The following VRK1 variants were observed in gnomAD, a reference collection of about 807,000 sequenced individuals.
The protein encoded by VRK1 is serine/threonine-protein kinase VRK1.
A neutral mutation model predicts 57.1 loss-of-function variants in VRK1; 33 were observed. The ratio of observed to expected loss-of-function variants is 0.58; its 90% CI spans 0.44 to 0.77. The LOEUF (loss-of-function observed/expected upper bound fraction) is 0.77, where lower values mean the gene tolerates loss of function less well. VRK1 is among the 30% of genes least tolerant of loss of function. VRK1 has a pLI of 0.00. For missense variants in VRK1, 413 were observed against 477.3 expected, an observed-to-expected ratio of 0.87 and a Z score of 1.25; for synonymous variants, 137 against 147.8, an observed-to-expected ratio of 0.93 and a Z score of 0.53.
At chr14:96,856,825 A>C in intron 10 of VRK1, among the ~76,000 whole-genome samples, 1 of 152,106 alleles carries the variant, frequency 6.6e-6, no homozygotes, top group Admixed American at 6.5e-5. Flanking sequence ...AAAATTAGCC[A>C]GGCGTGGTGA....
chr14:96,813,097 G>A (rs1886266871), intron 1 of VRK1, among the ~76,000 whole-genome samples: 1 of 152,212 alleles, frequency 6.6e-6, no homozygotes, highest in Non-Finnish European at 1.5e-5. Context: ...ACCAAGGTAA[G>A]ACAGGGTCCC....
At chr14:96,840,667 C>G (rs1210473557) in intron 3 of VRK1, among the ~76,000 whole-genome samples, 1 of 152,136 alleles carries the variant, frequency 6.6e-6, no homozygotes, top group African/African-American at 2.4e-5. Context: ...ATTAGGAGTT[C>G]TGTTGTGAGA....
chr14:96,801,130 A>G (rs1015151499), intron 1 of VRK1, among the ~76,000 whole-genome samples: 4 of 152,108 alleles, frequency 2.6e-5, no homozygotes, highest in Admixed American at 6.6e-5. Context: ...GGCTGTTTGT[A>G]TGTCGGCAGA....
At chr14:96,860,145 T>C (rs764365912) in intron 10 of VRK1, among the ~76,000 whole-genome samples, 2 of 152,184 alleles carry the variant, frequency 1.3e-5, no homozygotes, top group African/African-American at 2.4e-5. Flanking sequence ...ACGAAGAATA[T>C]AGCTATCTGC....
At chr14:96,841,781 G>C (rs865802528) in intron 3 of VRK1, among the ~76,000 whole-genome samples, 1 of 151,680 alleles carries the variant, frequency 6.6e-6, no homozygotes, top group African/African-American at 2.4e-5. Flanking sequence ...GTTGCAGTGA[G>C]CTGAGATGGC....
chr14:96,837,836 A>G lies in VRK1; in HGVS notation c.216+19A>G, dbSNP rs200465413. 2.7e-5 allele frequency: 41 copies of G among 1,535,858 alleles called. No individual in the cohort carries two copies. In the Admixed American group the frequency reaches 5.6e-4, roughly 21 times the overall value. On this transcript the variant is annotated intron_variant, in intron 3 of 12. Coordinates refer to ENST00000216639, the MANE Select transcript of VRK1 (RefSeq NM_003384.3). ...AAAAGTGGTAAGAAATATTTTAGCT[A>G]ATTTGTTTCTTTTCTGTTGATTTGG...
intron 11 of VRK1, among the ~76,000 whole-genome samples, chr14:96,871,296 A>G (rs887690085): frequency 5.3e-5 from 8 of 152,294 alleles, no homozygotes; most frequent in South Asian, 4.1e-4. Context: ...CTTCCTTTCT[A>G]TCTCCAGAGT....
intron 12 of VRK1, among the ~76,000 whole-genome samples, chr14:96,879,547 T>C (rs1032192037): frequency 6.6e-6 from 1 of 152,192 alleles, no homozygotes; most frequent in South Asian, 2.1e-4. Flanking sequence ...AGATATAGTA[T>C]TGATTATTGA....
At chr14:96,809,584 T>C (rs1232992703) in intron 1 of VRK1, among the ~76,000 whole-genome samples, 2 of 151,254 alleles carry the variant, frequency 1.3e-5, no homozygotes, top group Non-Finnish European at 3.0e-5. Flanking sequence ...TTTTTTTTTT[T>C]TTTTCTGAAA....
At chr14:96,828,493 A>C (rs1886884510) in intron 1 of VRK1, among the ~76,000 whole-genome samples, 1 of 152,216 alleles carries the variant, frequency 6.6e-6, no homozygotes, top group South Asian at 2.1e-4. Flanking sequence ...CATAATATTG[A>C]TACTTAAACA....
At chr14:96,873,986 A>G (rs960658258) in intron 11 of VRK1, among the ~76,000 whole-genome samples, 3 of 152,102 alleles carry the variant, frequency 2.0e-5, no homozygotes, top group Non-Finnish European at 4.4e-5. Context: ...TTTCCTTCCT[A>G]TGTAATTTAC....
chr14:96,839,074 C>T (rs1413201844), intron 3 of VRK1, among the ~76,000 whole-genome samples: 1 of 143,300 alleles, frequency 7.0e-6, no homozygotes, highest in African/African-American at 2.6e-5. Flanking sequence ...GAGGCAACCA[C>T]TTGTCTTGAG....
chr14:96,836,260 C>T (rs1887207145), intron 2 of VRK1, among the ~76,000 whole-genome samples: 1 of 152,018 alleles, frequency 6.6e-6, no homozygotes, highest in African/African-American at 2.4e-5. Context: ...TGCTTCTGCC[C>T]CTTGCCCCTA....
intron 11 of VRK1, among the ~76,000 whole-genome samples, chr14:96,872,621 A>G (rs1225479186): frequency 6.6e-6 from 1 of 152,230 alleles, no homozygotes; most frequent in Non-Finnish European, 1.5e-5. Context: ...TGCAATAAGA[A>G]TAAAGAGCTC....
At chr14:96,840,078 A>C (rs1015357454) in intron 3 of VRK1, among the ~76,000 whole-genome samples, 1 of 152,020 alleles carries the variant, frequency 6.6e-6, no homozygotes. Flanking sequence ...CTGTTTCTCA[A>C]TTTAAAATTT....
chr14:96,828,539 T>G (rs1342581034), intron 1 of VRK1, among the ~76,000 whole-genome samples: 1 of 152,110 alleles, frequency 6.6e-6, no homozygotes, highest in African/African-American at 2.4e-5. Context: ...TACAGACCAT[T>G]CTTATGAATA....
Position 96,833,624 on chromosome 14 carries a change from A to T in VRK1, c.153A>T (p.Ile51=), listed in dbSNP as rs771488903. ...TTGGCCAAGGAGGCTTTGGCTGTAT[A>T]TATCTTGGTAAGTGTGTGACTGCTT... ...LPIGQGGFGC[I]YLADMNSSES... The change falls in exon 2 of 13, where the codon ATA becomes ATT. Residue 51 remains isoleucine, a synonymous_variant. Transcript: ENST00000216639. 1 of 1,613,642 alleles carries T rather than the reference A, an allele frequency of 6.2e-7. No individual in the cohort carries two copies. The highest frequency in any genetic ancestry group is 8.5e-7 in the Non-Finnish European group (1 of 1,179,602).
At chr14:96,863,993 A>G (rs1194717033) in intron 11 of VRK1, among the ~76,000 whole-genome samples, 2 of 152,214 alleles carry the variant, frequency 1.3e-5, no homozygotes, top group African/African-American at 4.8e-5. Flanking sequence ...AATGTGCTCT[A>G]AATTTGGTGA....
chr14:96,808,035 G>GTGTGTGTGTGCA (rs1885976062), intron 1 of VRK1, among the ~76,000 whole-genome samples: 1 of 103,162 alleles, frequency 9.7e-6, no homozygotes, highest in Non-Finnish European at 2.0e-5. Flanking sequence ...GTGTGTGTGT[G>GTGTGTGTGTGCA]TGTGTGTGTG....
Sources: gnomAD v4.1 joint callset for allele counts (sites outside exome capture counted in the v4.1 genomes callset) on GRCh38, gnomAD v4.1.1 for gene constraint, MANE v1.5 for transcripts, NCBI Gene and HGNC (gene_info 2026-07-23, HGNC 2026-07-21) for gene names.